Variants in CCDC33 observed in about 807,000 individuals in gnomAD.
The protein encoded by CCDC33 is coiled-coil domain-containing protein 33.
In CCDC33, 94 loss-of-function variants were observed where a neutral mutation model predicts 91.9. That is an observed-to-expected ratio of 1.02 (90% CI 0.87 to 1.21). CCDC33 has a LOEUF of 1.21. Ranked by LOEUF, CCDC33 falls within the 50% of genes most tolerant of loss-of-function variation. CCDC33 has a pLI of 0.00. For missense variants in CCDC33, 940 were observed against 935.5 expected (o/e 1.00, Z -0.06); for synonymous variants, 396 against 374.5 (o/e 1.06, Z -0.66).
intron 15 of CCDC33, 24 bp downstream of exon 15, chr15:74,331,320 C>T (rs760300732): frequency 9.3e-6 from 15 of 1,609,088 alleles, no homozygotes; most frequent in Non-Finnish European, 1.3e-5. Flanking sequence ...CTGATGTGAT[C>T]AGCTCCCCAG....
intron 2 of CCDC33, among the ~76,000 whole-genome samples, chr15:74,248,509 C>T (rs796420449): frequency 4.6e-5 from 7 of 152,188 alleles, no homozygotes; most frequent in African/African-American, 1.4e-4. Context: ...CTGTCCTTCT[C>T]TCTGGGTTTG....
rs1252931960 is a variant in CCDC33 at position 74,281,784 on chromosome 15, AGCCT to A, written c.1032_1035del (p.Ser344ArgfsTer27). ...GCTCCCTTTTCCTCCCCAGGACACC[AGCCT>A]GAAAACTATCAATGATGAGGCCCCC... On this transcript the variant is annotated frameshift_variant, in exon 10 of 19. Transcript: ENST00000398814. LOFTEE classifies it high-confidence loss of function. 1 of 1,613,862 alleles carries A rather than the reference AGCCT, an allele frequency of 6.2e-7. No homozygotes were observed. Among genetic ancestry groups the A allele is most frequent in the Admixed American group, 1.7e-5 (1 of 60,014 alleles).
chr15:74,207,938 C>CTTCAAGGAAGAG, intron 1 of CCDC33: 1 of 1,457,472 alleles, frequency 6.9e-7, no homozygotes, highest in Non-Finnish European at 9.1e-7. Context: ...GGTGACTCTC[C>CTTCAAGGAAGAG]ACCTCCTGTC....
chr15:74,244,172 G>A lies in CCDC33; in HGVS notation c.185+24G>A. On this transcript the variant is annotated intron_variant, in intron 2 of 18. Transcript: ENST00000398814. This position sits in a 1 kb window ranked among gnomAD's most constrained non-coding sequence, Gnocchi z 4.2. ...GTGTAAGTAGCTGCGTGAGAGTGGG[G>A]GCAGGGGATGGGTTGGGCTGTGAGC... 3.8e-6 allele frequency: 6 copies of A among 1,597,196 alleles called. No homozygotes were observed. The highest frequency in any genetic ancestry group is 3.4e-5 in the South Asian group (3 of 89,274).
At chr15:74,265,888 G>A (rs1168898987) in intron 3 of CCDC33, among the ~76,000 whole-genome samples, 1 of 152,202 alleles carries the variant, frequency 6.6e-6, no homozygotes, top group Non-Finnish European at 1.5e-5. Flanking sequence ...GCTGGGTGTG[G>A]TGGCGGGCAC....
chr15:74,322,951 A>G (rs12440952), intron 11 of CCDC33, among the ~76,000 whole-genome samples: 72,578 of 151,872 alleles, frequency 0.48, 19,020 homozygotes, highest in South Asian at 0.68. Flanking sequence ...CACCCACACT[A>G]CCTCAGACCC....
intron 7 of CCDC33, among the ~76,000 whole-genome samples, chr15:74,277,593 G>A (rs548132567): frequency 6.6e-6 from 1 of 152,316 alleles, no homozygotes; most frequent in Admixed American, 6.5e-5. Flanking sequence ...CCCCCATCCT[G>A]CACACACATC....
At chr15:74,280,114 G>A (rs779216280) in intron 8 of CCDC33, 22 bp downstream of exon 8, 36 of 1,612,702 alleles carry the variant, frequency 2.2e-5, no homozygotes, top group Middle Eastern at 1.6e-4. Flanking sequence ...CTGGTGCCTC[G>A]CCAGGGCAGC....
chr15:74,264,174 C>T (rs1046422542), intron 3 of CCDC33, among the ~76,000 whole-genome samples: 16 of 111,750 alleles, frequency 1.4e-4, no homozygotes, highest in South Asian at 3.3e-4. Context: ...TTGTTGGAAC[C>T]GGTTGCTGTG....
At chr15:74,323,619 C>G (rs2060249174) in intron 11 of CCDC33, among the ~76,000 whole-genome samples, 1 of 152,128 alleles carries the variant, frequency 6.6e-6, no homozygotes, top group Non-Finnish European at 1.5e-5. Context: ...CCTCCGCCTC[C>G]CGGGTTCAAG....
chr15:74,297,852 C>A (rs1269792166), intron 11 of CCDC33, among the ~76,000 whole-genome samples: 1 of 152,194 alleles, frequency 6.6e-6, no homozygotes, highest in Non-Finnish European at 1.5e-5. Flanking sequence ...GCTCAGCTGC[C>A]CCGGAGGGGC....
intron 2 of CCDC33, among the ~76,000 whole-genome samples, chr15:74,245,382 C>T (rs1353332780): frequency 1.3e-5 from 2 of 152,228 alleles, no homozygotes; most frequent in Non-Finnish European, 2.9e-5. Flanking sequence ...CAGCCCAGCT[C>T]CTCGGCCATC....
chr15:74,234,847 G>A (rs2075096783), upstream of CCDC33, among the ~76,000 whole-genome samples: 1 of 152,242 alleles, frequency 6.6e-6, no homozygotes, highest in African/African-American at 2.4e-5. Context: ...TCTGTGTCGG[G>A]AGCGGAGCGC....
chr15:74,267,391 A>G (rs2076194083), intron 4 of CCDC33, among the ~76,000 whole-genome samples: 1 of 152,164 alleles, frequency 6.6e-6, no homozygotes, highest in Non-Finnish European at 1.5e-5. Context: ...CCTGGAATGC[A>G]CCCCTGGAGT....
chr15:74,212,440 G>A (rs2074377085), upstream of CCDC33: 3 of 152,402 alleles, frequency 2.0e-5, no homozygotes, highest in South Asian at 6.2e-4. Context: ...CTGGAGGTCA[G>A]AGCAAAAGGA....
intron 4 of CCDC33, 34 bp downstream of exon 4, chr15:74,266,821 C>G (rs370828808): frequency 4.7e-6 from 7 of 1,500,450 alleles, no homozygotes; most frequent in African/African-American, 1.4e-5. Flanking sequence ...GCCGGGAGAG[C>G]AGGTGGGAAC....
chr15:74,230,980 A>T (rs1004247488), intron 2 of CCDC33, among the ~76,000 whole-genome samples: 24 of 152,174 alleles, frequency 1.6e-4, no homozygotes, highest in Non-Finnish European at 4.4e-5. Context: ...TGGTGACCAG[A>T]GCCCACAAGA....
At chr15:74,267,221 A>G (rs1239321534) in intron 4 of CCDC33, among the ~76,000 whole-genome samples, 1 of 152,164 alleles carries the variant, frequency 6.6e-6, no homozygotes, top group Non-Finnish European at 1.5e-5. Flanking sequence ...ACCTGGGGAG[A>G]AAAATCTCCT....
chr15:74,323,206 C>T (rs1292348119), intron 11 of CCDC33, among the ~76,000 whole-genome samples: 1 of 152,176 alleles, frequency 6.6e-6, no homozygotes, highest in Non-Finnish European at 1.5e-5. Flanking sequence ...TGGCCAAGGT[C>T]ACTTCCTCCA....
Sources: allele counts gnomAD v4.1 joint callset (sites outside exome capture counted in the v4.1 genomes callset), GRCh38; gene constraint gnomAD v4.1.1; non-coding constraint Gnocchi (gnomAD v3.1); transcripts MANE v1.5; gene names NCBI Gene and HGNC (gene_info 2026-07-23, HGNC 2026-07-21).